ABLIM1: variants seen among roughly 807,000 people sequenced by gnomAD.
The protein encoded by ABLIM1 is actin-binding LIM protein 1.
In ABLIM1, 40 loss-of-function variants were observed where a neutral mutation model predicts 107.0. That is an observed-to-expected ratio of 0.37 (90% CI 0.29 to 0.49). The LOEUF (loss-of-function observed/expected upper bound fraction) is 0.49, where lower values mean the gene tolerates loss of function less well. Among genes scored for constraint, ABLIM1 ranks in the 20% least tolerant of loss-of-function variants. The pLI is 0.97. For missense variants in ABLIM1, 857 were observed against 1,008.5 expected (o/e 0.85, Z 2.04); for synonymous variants, 357 against 357.3 (o/e 1.00, Z 0.01).
At chr10:114,562,461 G>A (rs1432206859) in intron 4 of ABLIM1, among the ~76,000 whole-genome samples, 3 of 152,158 alleles carry the variant, frequency 2.0e-5, no homozygotes, top group Non-Finnish European at 4.4e-5. Flanking sequence ...TCCAGGAGGC[G>A]GAGCTTGCAG....
rs190928065 is a variant in ABLIM1 at position 114,536,167 on chromosome 10, T to C, written c.894+8838A>G. ...TGTGGATTTGCCTATTCCACACATT[T>C]CATACAAATGGTATTGGACAATTAT... On this transcript the variant is annotated intron_variant, in intron 6 of 22. Coordinates refer to ENST00000533213, the MANE Select transcript of ABLIM1 (RefSeq NM_002313.7). Among the ~76,000 whole-genome samples the C allele has an allele frequency of 2.0e-5, 3 of 150,970 alleles. No individual in the cohort carries two copies. In the East Asian group the frequency reaches 5.8e-4, roughly 29 times the overall value.
chr10:114,640,327 G>C (rs1413477690), intron 1 of ABLIM1, among the ~76,000 whole-genome samples: 1 of 152,230 alleles, frequency 6.6e-6, no homozygotes, highest in East Asian at 1.9e-4. Flanking sequence ...AGGAGTTCGA[G>C]ACCAGCCTGG....
At chr10:114,609,558 G>C (rs954055934) in intron 1 of ABLIM1, among the ~76,000 whole-genome samples, 1 of 152,110 alleles carries the variant, frequency 6.6e-6, no homozygotes, top group African/African-American at 2.4e-5. Flanking sequence ...CAAGCTCAAT[G>C]GTCAGTTCCT....
chr10:114,788,337 A>T, the ABLIM1 span, among the ~76,000 whole-genome samples: 137 of 131,612 alleles, frequency 1.0e-3, no homozygotes, highest in African/African-American at 4.1e-3. Context: ...AAAAAAATAA[A>T]AAAAAAAAAA....
chr10:114,715,170 A>G (rs1039293025), intron 1 of ABLIM1, among the ~76,000 whole-genome samples: 3 of 152,216 alleles, frequency 2.0e-5, no homozygotes, highest in Non-Finnish European at 2.9e-5. Context: ...TCTTTGATGC[A>G]GGGAAAAAAG....
At chr10:114,771,076 C>T (rs1398947063), upstream of ABLIM1, among the ~76,000 whole-genome samples, 2 of 152,234 alleles carry the variant, frequency 1.3e-5, no homozygotes, top group Non-Finnish European at 2.9e-5. Context: ...GGCAAACTGC[C>T]CGCCTCGGCT....
chr10:114,712,107 C>G (rs190453699), intron 1 of ABLIM1, among the ~76,000 whole-genome samples: 1 of 152,036 alleles, frequency 6.6e-6, no homozygotes, highest in Non-Finnish European at 1.5e-5. Flanking sequence ...AATCCCAGCA[C>G]GTTGGGAGGC....
intron 12 of ABLIM1, among the ~76,000 whole-genome samples, chr10:114,459,750 C>T (rs6585281): frequency 0.049 from 7,463 of 152,144 alleles, 558 homozygotes; most frequent in African/African-American, 0.16. Flanking sequence ...TATAGGCACA[C>T]GTCTAGTAAA....
At chr10:114,683,299 G>A (rs2080824415) in intron 1 of ABLIM1, among the ~76,000 whole-genome samples, 1 of 152,162 alleles carries the variant, frequency 6.6e-6, no homozygotes, top group Admixed American at 6.5e-5. Flanking sequence ...AACGTCCAAG[G>A]CAGGTCAGTG....
chr10:114,551,068 G>T (rs1271793187), intron 4 of ABLIM1, among the ~76,000 whole-genome samples: 2 of 152,148 alleles, frequency 1.3e-5, no homozygotes, highest in African/African-American at 4.8e-5. Flanking sequence ...CATGGGCATT[G>T]GTGTCAGGAA....
chr10:114,661,807 T>C (rs1265098156), upstream of ABLIM1, among the ~76,000 whole-genome samples: 4 of 152,174 alleles, frequency 2.6e-5, no homozygotes, highest in African/African-American at 7.2e-5. Context: ...TGATAGACTA[T>C]GAAAATGAAC....
intron 4 of ABLIM1, among the ~76,000 whole-genome samples, chr10:114,571,033 G>GTCT (rs2138770282): frequency 6.6e-6 from 1 of 152,158 alleles, no homozygotes; most frequent in East Asian, 1.9e-4. Context: ...GTCATCTCCT[G>GTCT]TCTTTTTCAT....
intron 12 of ABLIM1, among the ~76,000 whole-genome samples, chr10:114,465,170 G>A (rs999888187): frequency 1.3e-5 from 2 of 152,172 alleles, no homozygotes; most frequent in Non-Finnish European, 2.9e-5. Flanking sequence ...ATGATTTTAT[G>A]TTTCCTAAGA....
At chr10:114,716,628 T>G (rs899647409) in intron 1 of ABLIM1, among the ~76,000 whole-genome samples, 16 of 152,122 alleles carry the variant, frequency 1.1e-4, no homozygotes, top group Non-Finnish European at 2.1e-4. Context: ...TTAAGATCAG[T>G]ACACTTTTCA....
At chr10:114,733,630 G>C (rs1252322376) in intron 1 of ABLIM1, among the ~76,000 whole-genome samples, 2 of 151,996 alleles carry the variant, frequency 1.3e-5, no homozygotes, top group African/African-American at 4.8e-5. Context: ...GTAGTGCCTG[G>C]GGAAATCAAT....
At chr10:114,481,519 G>T (rs1299748773) in intron 8 of ABLIM1, among the ~76,000 whole-genome samples, 2 of 152,032 alleles carry the variant, frequency 1.3e-5, no homozygotes, top group East Asian at 3.9e-4. Flanking sequence ...ACAAGGTGGG[G>T]ATAACAGCTG....
chr10:114,540,477 G>A (rs1195070163), intron 6 of ABLIM1, among the ~76,000 whole-genome samples: 2 of 152,150 alleles, frequency 1.3e-5, no homozygotes, highest in Admixed American at 1.3e-4. Context: ...ACCCGTTCAA[G>A]CTGATGTGAT....
chr10:114,622,825 C>T (rs1391098334), intron 1 of ABLIM1, among the ~76,000 whole-genome samples: 1 of 152,194 alleles, frequency 6.6e-6, no homozygotes, highest in Non-Finnish European at 1.5e-5. Flanking sequence ...GATCTACTTC[C>T]ACCAAATGAA....
chr10:114,704,302 C>CTCTCTCTCTCTCTCTCTATATATATATA (rs1380460034), intron 1 of ABLIM1, among the ~76,000 whole-genome samples: 1 of 43,088 alleles, frequency 2.3e-5, no homozygotes, highest in Non-Finnish European at 4.7e-5. Flanking sequence ...CTCTCTCTCT[C>CTCTCTCTCTCTCTCTCTATATATATATA]TATATATATA....
Sources: allele counts gnomAD v4.1 joint callset (sites outside exome capture counted in the v4.1 genomes callset), GRCh38; gene constraint gnomAD v4.1.1; transcripts MANE v1.5; gene names NCBI Gene and HGNC (gene_info 2026-07-23, HGNC 2026-07-21).